PHTF2: variants seen among roughly 807,000 people sequenced by gnomAD.
The protein encoded by PHTF2 is putative homeodomain transcription factor 2, also known as protein PHTF2.
PHTF2 carries 60 observed loss-of-function variants against 101.2 expected under a neutral mutation model. The observed-to-expected ratio is 0.59, with a 90% CI of 0.48 to 0.73. The LOEUF (loss-of-function observed/expected upper bound fraction) is 0.73. PHTF2 is among the 30% of genes least tolerant of loss of function. PHTF2 has a pLI of 0.00. For synonymous variants in PHTF2, 311 were observed against 307.3 expected, an observed-to-expected ratio of 1.01 and a Z score of -0.13; for missense variants, 747 against 908.7, an observed-to-expected ratio of 0.82 and a Z score of 2.29.
intron 3 of PHTF2, among the ~76,000 whole-genome samples, chr7:77,865,375 G>A (rs183875719): frequency 0.012 from 1,868 of 152,032 alleles, 37 homozygotes; most frequent in African/African-American, 0.042. Context: ...ACAGGCATGC[G>A]TCACCATGCC....
chr7:77,952,592 GA>G, intron 18 of PHTF2, among the ~76,000 whole-genome samples: 1 of 152,022 alleles, frequency 6.6e-6, no homozygotes, highest in East Asian at 1.9e-4. Flanking sequence ...TGCTCAATGG[GA>G]AAAAAATATC....
chr7:77,956,186 A>T (rs536595260), exon 20 of PHTF2: 11 of 152,706 alleles, frequency 7.2e-5, no homozygotes, highest in African/African-American at 2.4e-4. Flanking sequence ...GGTTTCTAAA[A>T]ATTTATTTGA....
intron 7 of PHTF2, among the ~76,000 whole-genome samples, 169 bp from the exon 7 acceptor site, chr7:77,908,624 C>T (rs118122312): frequency 1.3e-5 from 2 of 151,892 alleles, no homozygotes; most frequent in East Asian, 1.9e-4. Context: ...GGTTAGGCTG[C>T]GGCAGACAAT....
intron 1 of PHTF2, among the ~76,000 whole-genome samples, chr7:77,820,788 C>T (rs1159785336): frequency 2.6e-5 from 4 of 152,042 alleles, no homozygotes; most frequent in Admixed American, 2.6e-4. Flanking sequence ...TAAGTGAGGC[C>T]TTCTCCTGTC....
chr7:77,886,682 A>G (rs1165183707), intron 3 of PHTF2, among the ~76,000 whole-genome samples: 3 of 152,186 alleles, frequency 2.0e-5, no homozygotes, highest in South Asian at 4.1e-4. Flanking sequence ...TTGGAATCCA[A>G]TAGACCTGGG....
intron 3 of PHTF2, among the ~76,000 whole-genome samples, chr7:77,878,620 A>G (rs112039500): frequency 1.4e-3 from 208 of 152,330 alleles, no homozygotes; most frequent in African/African-American, 4.3e-3. Flanking sequence ...CCTTTAAACT[A>G]TAAACTAAAT....
At chr7:77,954,461 T>A (rs933087124) in intron 19 of PHTF2, among the ~76,000 whole-genome samples, 1 of 152,026 alleles carries the variant, frequency 6.6e-6, no homozygotes, top group East Asian at 1.9e-4. Context: ...CTAATAAAGC[T>A]TTAATTTAGG....
intron 2 of PHTF2, among the ~76,000 whole-genome samples, chr7:77,845,942 A>G (rs997644411): frequency 2.6e-5 from 4 of 152,216 alleles, no homozygotes; most frequent in Admixed American, 1.3e-4. Context: ...CCAGAGCACC[A>G]TCAGATGTGT....
chr7:77,897,678 C>A (rs890963032), intron 5 of PHTF2, among the ~76,000 whole-genome samples: 1 of 152,026 alleles, frequency 6.6e-6, no homozygotes, highest in Admixed American at 6.6e-5. Context: ...TAATTAAAAT[C>A]AGATGTTATG....
chr7:77,817,610 C>T (rs117084789), intron 1 of PHTF2, among the ~76,000 whole-genome samples: 3,685 of 152,182 alleles, frequency 0.024, 63 homozygotes, highest in Admixed American at 0.036. Flanking sequence ...TACCTCCCAC[C>T]AGGTCCTTCC....
intron 1 of PHTF2, among the ~76,000 whole-genome samples, chr7:77,823,057 A>C (rs1003741261): frequency 4.0e-5 from 6 of 150,624 alleles, no homozygotes; most frequent in Admixed American, 4.0e-4. Flanking sequence ...GGCGCCCGCT[A>C]CCACGCCCGG....
intron 5 of PHTF2, among the ~76,000 whole-genome samples, chr7:77,898,541 A>G (rs773279532): frequency 8.5e-5 from 13 of 152,134 alleles, no homozygotes; most frequent in Non-Finnish European, 1.6e-4. Flanking sequence ...GCCGCTTTAT[A>G]GTGACATTAA....
chr7:77,849,292 T>TTA lies in PHTF2; in HGVS notation c.46-5427_46-5426dup, dbSNP rs748338272. Among the ~76,000 whole-genome samples, 294 of 150,376 alleles carry TTA rather than the reference T, an allele frequency of 2.0e-3. 2 individuals are homozygous for TTA. The highest frequency in any genetic ancestry group is 4.8e-3 in the East Asian group (25 of 5,162). On this transcript the variant is annotated intron_variant, in intron 2 of 19. Transcript: ENST00000416283. The stretch of plus-strand genomic sequence containing the variant: ...GCATGCGCCACCATGCCTGGCTAAT[T>TTA]TATATATATATATATTTATTTATTT...
intron 16 of PHTF2, among the ~76,000 whole-genome samples, chr7:77,944,324 T>C (rs1805874632): frequency 6.6e-6 from 1 of 152,018 alleles, no homozygotes; most frequent in Non-Finnish European, 1.5e-5. Flanking sequence ...ACAGCCTCAG[T>C]GAAAAGTTGG....
intron 3 of PHTF2, among the ~76,000 whole-genome samples, chr7:77,864,348 A>T (rs1179448844): frequency 6.6e-6 from 1 of 152,192 alleles, no homozygotes; most frequent in Non-Finnish European, 1.5e-5. Context: ...CACATCCACC[A>T]GAGTGATTTA....
chr7:77,936,863 G>A (rs1017926193), intron 12 of PHTF2, among the ~76,000 whole-genome samples: 1 of 151,496 alleles, frequency 6.6e-6, no homozygotes, highest in Non-Finnish European at 1.5e-5. Context: ...TCTGTTTTGG[G>A]GCTGGGCGCA....
chr7:77,931,664 A>C (rs1202096224), intron 12 of PHTF2, among the ~76,000 whole-genome samples: 1 of 152,194 alleles, frequency 6.6e-6, no homozygotes, highest in Non-Finnish European at 1.5e-5. Context: ...TTATATAGTA[A>C]AGTTGAAGTT....
intron 1 of PHTF2, among the ~76,000 whole-genome samples, chr7:77,815,840 C>T (rs1030255757): frequency 1.3e-5 from 2 of 152,186 alleles, no homozygotes; most frequent in African/African-American, 4.8e-5. Flanking sequence ...TTAATATTCT[C>T]CTTTCTCTAC....
In PHTF2 at chr7:77,938,029, A is replaced by G. The variant is rs183176492; in HGVS notation, c.1467+191A>G. 9.9e-5 allele frequency: 25 copies of G among 253,342 alleles called. 1 individual carries two copies. In the Admixed American group the frequency reaches 1.3e-3, roughly 13 times the overall value. 15.7% of individuals were successfully genotyped at this position (253,342 alleles called of 1,614,324 possible). On this transcript the variant is annotated intron_variant, in intron 13 of 19. Coordinates refer to ENST00000416283, the Ensembl canonical transcript of PHTF2. The stretch of plus-strand genomic sequence containing the variant: ...TGTCACCAAACCACTCTCATCTTCT[A>G]GTGTTTTCACTTATCTGACCAAGAA...
Sources: gnomAD v4.1 joint callset for allele counts (sites outside exome capture counted in the v4.1 genomes callset) on GRCh38, gnomAD v4.1.1 for gene constraint, MANE v1.5 for transcripts, NCBI Gene and HGNC (gene_info 2026-07-23, HGNC 2026-07-21) for gene names.